The following ARHGEF10 variants were observed in gnomAD, a reference collection of about 807,000 sequenced individuals.
ARHGEF10 encodes Rho guanine nucleotide exchange factor (GEF) 10.
Under a neutral mutation model 147.4 loss-of-function variants are expected in ARHGEF10, and 140 were observed. The observed-to-expected ratio is 0.95, with a 90% CI of 0.83 to 1.09. The LOEUF (loss-of-function observed/expected upper bound fraction) is 1.09. ARHGEF10 is among the 50% of genes least tolerant of loss of function. ARHGEF10 has a pLI of 0.00. For synonymous variants in ARHGEF10, 902 were observed against 695.8 expected (o/e 1.30, Z -4.67); for missense variants, 2,222 against 1,752.7 (o/e 1.27, Z -4.78).
intron 10 of ARHGEF10, among the ~76,000 whole-genome samples, chr8:1,884,152 T>G (rs1459358122): frequency 2.6e-5 from 4 of 152,074 alleles, no homozygotes; most frequent in African/African-American, 4.8e-5. Flanking sequence ...CCAGCATTTT[T>G]GGAGGCCGAG....
At chr8:1,861,197 A>C (rs1272042847) in intron 4 of ARHGEF10, among the ~76,000 whole-genome samples, 1 of 152,180 alleles carries the variant, frequency 6.6e-6, no homozygotes, top group Non-Finnish European at 1.5e-5. Flanking sequence ...GTGCTCTAGA[A>C]GGGGCTTGGT....
chr8:1,844,735 A>G (rs1804420613), intron 2 of ARHGEF10, among the ~76,000 whole-genome samples: 1 of 151,950 alleles, frequency 6.6e-6, no homozygotes, highest in African/African-American at 2.4e-5. Flanking sequence ...TTACGTGTGG[A>G]TTGCTGGCAT....
At chr8:1,884,859 G>C (rs1320153683) in intron 10 of ARHGEF10, among the ~76,000 whole-genome samples, 2 of 152,152 alleles carry the variant, frequency 1.3e-5, no homozygotes, top group African/African-American at 2.4e-5. Flanking sequence ...CCACCTCCTG[G>C]GTTCAGGCGA....
At chr8:1,849,025 C>G (rs914608833) in intron 2 of ARHGEF10, among the ~76,000 whole-genome samples, 1 of 152,202 alleles carries the variant, frequency 6.6e-6, no homozygotes, top group Non-Finnish European at 1.5e-5. Flanking sequence ...TTACTGTATT[C>G]ACAAGCATGT....
At chr8:1,856,230 A>G (rs572688579) in intron 2 of ARHGEF10, among the ~76,000 whole-genome samples, 8 of 152,224 alleles carry the variant, frequency 5.3e-5, no homozygotes, top group Non-Finnish European at 8.8e-5. Context: ...ACATTTCTGA[A>G]TCCTTTTTCT....
At chr8:1,833,534 G>A (rs1314858292) in intron 1 of ARHGEF10, among the ~76,000 whole-genome samples, 2 of 152,192 alleles carry the variant, frequency 1.3e-5, no homozygotes, top group Admixed American at 6.5e-5. Context: ...CCCAAGCACG[G>A]CCCTCACGGC....
At chr8:1,888,540 GCTGAGTGGGGTGAGGTATGGGGAGACA>G (rs1809007045) in intron 11 of ARHGEF10, among the ~76,000 whole-genome samples, 3 of 114,758 alleles carry the variant, frequency 2.6e-5, no homozygotes, top group South Asian at 6.4e-4. Flanking sequence ...GTGAGGAGAC[GCTGAGTGGGGTGAGGTATGGGGAGACA>G]CTGAGTGGGG....
chr8:1,890,916 G>T (rs1255225728), intron 11 of ARHGEF10, among the ~76,000 whole-genome samples: 2 of 152,170 alleles, frequency 1.3e-5, no homozygotes, highest in Non-Finnish European at 2.9e-5. Flanking sequence ...TCTGTAAAGG[G>T]TTTAAGCTTC....
At chr8:1,873,048 G>A (rs1390575490) in intron 7 of ARHGEF10, among the ~76,000 whole-genome samples, 3 of 152,230 alleles carry the variant, frequency 2.0e-5, no homozygotes, top group Non-Finnish European at 4.4e-5. Context: ...AACACACTGC[G>A]GGAGTCCAGC....
chr8:1,939,501 G>C (rs555782460), intron 26 of ARHGEF10, among the ~76,000 whole-genome samples: 57 of 152,332 alleles, frequency 3.7e-4, no homozygotes, highest in Non-Finnish European at 6.0e-4. Context: ...ACAGTGAGCC[G>C]AAATCCAGGG....
intron 10 of ARHGEF10, among the ~76,000 whole-genome samples, chr8:1,885,382 C>A (rs369010829): frequency 6.6e-6 from 1 of 152,116 alleles, no homozygotes; most frequent in Non-Finnish European, 1.5e-5. Context: ...ACTTTAAATA[C>A]TGAAAATTTT....
At chr8:1,838,129 C>G (rs933042095) in intron 1 of ARHGEF10, among the ~76,000 whole-genome samples, 3 of 152,204 alleles carry the variant, frequency 2.0e-5, no homozygotes, top group African/African-American at 4.8e-5. Flanking sequence ...AAGGAACAGA[C>G]CTTGGGCTGG....
intron 11 of ARHGEF10, among the ~76,000 whole-genome samples, chr8:1,888,131 TTGCGAGGAGACACTTA>T (rs1808882188): frequency 2.9e-5 from 1 of 34,248 alleles, no homozygotes; most frequent in African/African-American, 4.7e-4. Context: ...GGGTGAGGGT[TTGCGAGGAGACACTTA>T]GTGGGGCGAG....
At chr8:1,922,465 C>G (rs1172761791) in intron 18 of ARHGEF10, among the ~76,000 whole-genome samples, 2 of 152,138 alleles carry the variant, frequency 1.3e-5, no homozygotes, top group Non-Finnish European at 2.9e-5. Context: ...CATTCTTTAA[C>G]TCACCAGCAT....
chr8:1,921,725 C>A (rs549677246), intron 18 of ARHGEF10, among the ~76,000 whole-genome samples: 13 of 131,346 alleles, frequency 9.9e-5, no homozygotes, highest in African/African-American at 3.6e-4. Flanking sequence ...ACAAGAGCGA[C>A]ACTTCGTCTC....
intron 6 of ARHGEF10, among the ~76,000 whole-genome samples, chr8:1,868,458 T>C (rs1241688181): frequency 1.3e-5 from 2 of 152,218 alleles, no homozygotes; most frequent in African/African-American, 4.8e-5. Flanking sequence ...ATGTGAAGCG[T>C]GTAACTCTTA....
chr8:1,902,359 T>G (rs1271748203), intron 15 of ARHGEF10, among the ~76,000 whole-genome samples: 1 of 152,232 alleles, frequency 6.6e-6, no homozygotes, highest in African/African-American at 2.4e-5. Context: ...CTTTTGTTAC[T>G]GCCTGTTAAC....
intron 2 of ARHGEF10, among the ~76,000 whole-genome samples, chr8:1,846,994 C>G (rs995184266): frequency 1.3e-5 from 2 of 152,212 alleles, no homozygotes; most frequent in Non-Finnish European, 2.9e-5. Flanking sequence ...CTCTTGGGGC[C>G]TCCTGGCAGG....
At chr8:1,859,849 C>T (rs374167094) in intron 3 of ARHGEF10, 48 bp from the exon 4 acceptor site, 5 of 1,610,922 alleles carry the variant, frequency 3.1e-6, no homozygotes, top group Non-Finnish European at 4.2e-6. Flanking sequence ...GCATGCCTGC[C>T]ATGCCCTTGG....
Sources: gnomAD v4.1 joint callset for allele counts (sites outside exome capture counted in the v4.1 genomes callset) on GRCh38, gnomAD v4.1.1 for gene constraint, MANE v1.5 for transcripts, NCBI Gene and HGNC (gene_info 2026-07-23, HGNC 2026-07-21) for gene names.